Variants in STK33 observed in about 807,000 individuals in gnomAD.
STK33 encodes the protein serine/threonine kinase 33.
STK33 carries 52 observed loss-of-function variants against 58.0 expected under a neutral mutation model. That is an observed-to-expected ratio of 0.90 (90% CI 0.72 to 1.13). The LOEUF (loss-of-function observed/expected upper bound fraction) is 1.13. Among genes scored for constraint, STK33 ranks in the 50% most tolerant of loss-of-function variants. The probability of loss-of-function intolerance (pLI) is 0.00; values close to 1 mark genes in which losing one functional copy is unlikely to be tolerated. For synonymous variants in STK33, 215 were observed against 200.1 expected, an observed-to-expected ratio of 1.07 and a Z score of -0.63; for missense variants, 630 against 604.2, an observed-to-expected ratio of 1.04 and a Z score of -0.45.
intron 15 of STK33, among the ~76,000 whole-genome samples, chr11:8,409,558 G>A (rs1396831465): frequency 6.6e-6 from 1 of 152,072 alleles, no homozygotes; most frequent in Non-Finnish European, 1.5e-5. Flanking sequence ...ATAATTAATT[G>A]GAAACAAGAA....
At position 8,457,372 on chromosome 11, in the gene STK33, G is replaced by A. The variant is rs144478205; in HGVS notation, c.666C>T (p.Leu222=). Residue 222 remains leucine, a synonymous_variant, in exon 9 of 16, where the codon CTC becomes CTT. Coordinates refer to ENST00000687296, the MANE Select transcript of STK33 (RefSeq NM_001352389.2). ...ENETRWIIQS[L]ASAIAYLHNN... ...TGTGAAGATATGCTATAGCTGATGCGAGACTTTGAATGATCCACCTTGTCT... is the reference window on the plus strand; with the variant it reads ...TGTGAAGATATGCTATAGCTGATGCAAGACTTTGAATGATCCACCTTGTCT... 2.5e-4 allele frequency: 400 copies of A among 1,603,992 alleles called. No individual in the cohort carries two copies. The highest frequency in any genetic ancestry group is 2.4e-3 in the African/African-American group (178 of 74,928).
chr11:8,428,756 G>C (rs576496935), intron 14 of STK33, among the ~76,000 whole-genome samples: 4 of 152,128 alleles, frequency 2.6e-5, no homozygotes, highest in Admixed American at 1.3e-4. Context: ...GTGTATGAAT[G>C]AATTAATTGG....
intron 1 of STK33, among the ~76,000 whole-genome samples, chr11:8,506,937 CA>C: frequency 6.6e-6 from 1 of 152,262 alleles, no homozygotes; most frequent in Non-Finnish European, 1.5e-5. Context: ...ACATGCTAGC[CA>C]TGGGGCATCC....
At chr11:8,405,191 C>T (rs1938892193) in intron 15 of STK33, among the ~76,000 whole-genome samples, 1 of 152,196 alleles carries the variant, frequency 6.6e-6, no homozygotes, top group Non-Finnish European at 1.5e-5. Context: ...TACCATTTTG[C>T]ATTCCCACCA....
At chr11:8,543,225 A>G (rs978161617) in intron 1 of STK33, among the ~76,000 whole-genome samples, 1 of 152,208 alleles carries the variant, frequency 6.6e-6, no homozygotes, top group Non-Finnish European at 1.5e-5. Context: ...CATATTCACC[A>G]TTTAATTGTC....
intron 1 of STK33, among the ~76,000 whole-genome samples, chr11:8,501,910 TGCTAAGTAAAAGAAGCTAGATACAAA>T (rs1951541329): frequency 6.6e-6 from 1 of 152,148 alleles, no homozygotes; most frequent in South Asian, 2.1e-4. Context: ...GAAAATATTC[TGCTAAGTAAAAGAAGCTAGATACAAA>T]GCCCATATAT....
intron 1 of STK33, among the ~76,000 whole-genome samples, chr11:8,501,323 A>C (rs1951499053): frequency 6.6e-6 from 1 of 152,188 alleles, no homozygotes; most frequent in Admixed American, 6.6e-5. Context: ...GAACATGTAA[A>C]GAATTCTTAC....
chr11:8,340,766 A>C, the STK33 span, among the ~76,000 whole-genome samples: 1 of 152,128 alleles, frequency 6.6e-6, no homozygotes, highest in South Asian at 2.1e-4. Flanking sequence ...CTGGAGCTCT[A>C]TGCACCCCTG....
chr11:8,421,764 TC>T (rs1201794897), intron 14 of STK33, among the ~76,000 whole-genome samples: 4 of 152,308 alleles, frequency 2.6e-5, no homozygotes, highest in African/African-American at 7.2e-5. Context: ...GTTCTAACTT[TC>T]CCCAAGGAGG....
intron 11 of STK33, among the ~76,000 whole-genome samples, chr11:8,451,158 A>C (rs1946227074): frequency 6.6e-6 from 1 of 152,202 alleles, no homozygotes; most frequent in Non-Finnish European, 1.5e-5. Flanking sequence ...TTTGTAAAAG[A>C]GTTTGGCAAT....
intron 11 of STK33, among the ~76,000 whole-genome samples, chr11:8,441,169 T>C (rs1361438213): frequency 6.6e-6 from 1 of 152,078 alleles, no homozygotes; most frequent in African/African-American, 2.4e-5. Flanking sequence ...AAAACTAAGG[T>C]ACGTGGTTAT....
chr11:8,577,804 A>C (rs1958293223), intron 1 of STK33, among the ~76,000 whole-genome samples: 1 of 152,074 alleles, frequency 6.6e-6, no homozygotes, highest in Non-Finnish European at 1.5e-5. Flanking sequence ...CAATTTATAC[A>C]TAAATATTTA....
chr11:8,372,841 G>C, the STK33 span, among the ~76,000 whole-genome samples: 1 of 152,172 alleles, frequency 6.6e-6, no homozygotes, highest in African/African-American at 2.4e-5. Flanking sequence ...GGCCTCTTCC[G>C]GGGGCTCTGG....
chr11:8,418,194 T>C (rs79614628), intron 14 of STK33, among the ~76,000 whole-genome samples: 4,122 of 152,098 alleles, frequency 0.027, 98 homozygotes, highest in Middle Eastern at 0.051. Context: ...TTTTGTCACC[T>C]AGTTACTAAG....
intron 15 of STK33, among the ~76,000 whole-genome samples, chr11:8,405,198 A>G (rs563907501): frequency 6.6e-6 from 1 of 152,346 alleles, no homozygotes; most frequent in East Asian, 1.9e-4. Flanking sequence ...TTGCATTCCC[A>G]CCAGCAAGGT....
At chr11:8,523,477 G>A (rs1210490977) in intron 1 of STK33, among the ~76,000 whole-genome samples, 3 of 150,482 alleles carry the variant, frequency 2.0e-5, no homozygotes, top group Admixed American at 6.6e-5. Flanking sequence ...CCCTCCACCC[G>A]GCGGCCGCCC....
chr11:8,436,719 A>G (rs1266077212), intron 12 of STK33, among the ~76,000 whole-genome samples: 1 of 152,168 alleles, frequency 6.6e-6, no homozygotes, highest in East Asian at 1.9e-4. Context: ...ATTTTTTGAG[A>G]TGGAGTCTCA....
intron 1 of STK33, among the ~76,000 whole-genome samples, chr11:8,513,712 T>C (rs192540946): frequency 5.8e-4 from 88 of 152,308 alleles, no homozygotes; most frequent in African/African-American, 1.9e-3. Context: ...TGTATATATT[T>C]ATGGGATACA....
the STK33 span, among the ~76,000 whole-genome samples, chr11:8,369,043 C>T: frequency 1.3e-5 from 2 of 152,040 alleles, no homozygotes; most frequent in African/African-American, 4.8e-5. Flanking sequence ...ATGGAAGGGT[C>T]GCGATACACA....
Sources: gnomAD v4.1 joint callset for allele counts (sites outside exome capture counted in the v4.1 genomes callset) on GRCh38, gnomAD v4.1.1 for gene constraint, MANE v1.5 for transcripts, NCBI Gene and HGNC (gene_info 2026-07-23, HGNC 2026-07-21) for gene names.